Variants in UTY observed in about 807,000 individuals in gnomAD.
UTY encodes the protein ubiquitously transcribed tetratricopeptide repeat containing, Y-linked, also known as histone demethylase UTY.
UTY carries 12 observed loss-of-function variants against 32.5 expected under a neutral mutation model. The ratio of observed to expected loss-of-function variants is 0.37; its 90% confidence interval spans 0.24 to 0.60. The LOEUF (loss-of-function observed/expected upper bound fraction) is 0.60, where lower values mean the gene tolerates loss of function less well. Ranked by LOEUF, UTY falls within the 20% of genes least tolerant of loss-of-function variation. The pLI is 0.69. For missense variants in UTY, 303 were observed against 299.2 expected, an observed-to-expected ratio of 1.01 and a Z score of -0.09; for synonymous variants, 131 against 103.4, an observed-to-expected ratio of 1.27 and a Z score of -1.62.
At chrY:13,477,863 T>C (rs2079215672) in intron 2 of UTY, among the ~76,000 whole-genome samples, 1 of 34,162 alleles carries the variant, frequency 2.9e-5, no homozygotes, top group Non-Finnish European at 7.3e-5. Context: ...ATTGATACTA[T>C]AACATGTTTT....
At chrY:13,402,120 A>G in intron 6 of UTY, among the ~76,000 whole-genome samples, 1 of 33,578 alleles carries the variant, frequency 3.0e-5, no homozygotes, top group East Asian at 7.8e-4. Flanking sequence ...TTGAAAATAC[A>G]TATTTCAAAA....
Position 13,305,723 on chromosome Y carries a change from G to GA in UTY, c.3417-177dup, listed in dbSNP as rs2058643534. ...AGTCTTAAGACAAACACAGATTACT[G>GA]AAAAAAAAAATCATAAATTGTATAA... is the stretch of plus-strand genomic sequence containing the variant. On this transcript the variant is annotated intron_variant, in intron 23 of 29. Transcript: ENST00000545955. The GA allele has an allele frequency of 6.0e-5, 9 of 150,191 alleles. No homozygotes were observed. The Admixed American group carries it at 8.8e-4, about 15-fold the overall frequency. The allele number at this position is 150,191 out of a possible 400,897, so 37.5% of individuals were successfully genotyped here.
chrY:13,407,583 C>A, intron 6 of UTY, among the ~76,000 whole-genome samples: 1 of 32,149 alleles, frequency 3.1e-5, no homozygotes, highest in Non-Finnish European at 7.7e-5. Context: ...GTCACTATGT[C>A]CTAGATGTGG....
At chrY:13,258,086 G>A in intron 28 of UTY, among the ~76,000 whole-genome samples, 2 of 33,552 alleles carry the variant, frequency 6.0e-5, no homozygotes, top group Non-Finnish European at 1.5e-4. Context: ...AGTTACACAC[G>A]CTTTCTGATC....
chrY:13,352,385 T>C, intron 17 of UTY, among the ~76,000 whole-genome samples: 1 of 33,309 alleles, frequency 3.0e-5, no homozygotes, highest in Non-Finnish European at 7.4e-5. Context: ...CTCAGCTTAC[T>C]GCAGCCTTGT....
intron 4 of UTY, among the ~76,000 whole-genome samples, chrY:13,434,282 A>C: frequency 8.9e-5 from 3 of 33,759 alleles, no homozygotes; most frequent in African/African-American, 3.5e-4. Flanking sequence ...GCTCACTGCC[A>C]CCCCCACCTC....
intron 8 of UTY, among the ~76,000 whole-genome samples, chrY:13,374,392 A>T (rs1603444017): frequency 6.0e-5 from 2 of 33,266 alleles, no homozygotes; most frequent in Non-Finnish European, 1.5e-4. Flanking sequence ...TATCCTCAAT[A>T]CCCTAAATTC....
chrY:13,320,621 A>G, intron 21 of UTY, among the ~76,000 whole-genome samples: 1 of 33,898 alleles, frequency 3.0e-5, no homozygotes, highest in East Asian at 7.6e-4. Context: ...AGTCAAGAAA[A>G]CTTTCAAGTT....
intron 2 of UTY, among the ~76,000 whole-genome samples, chrY:13,473,845 A>AT (rs2078779471): frequency 2.9e-5 from 1 of 33,982 alleles, no homozygotes; most frequent in Non-Finnish European, 7.3e-5. Flanking sequence ...CTGGTATCTA[A>AT]TTTTTTAAGG....
intron 28 of UTY, among the ~76,000 whole-genome samples, chrY:13,259,037 T>A (rs375525897): frequency 2.9e-5 from 1 of 34,736 alleles, no homozygotes; most frequent in Non-Finnish European, 7.3e-5. Flanking sequence ...CTTAAAGGCA[T>A]TCTTAAGCCA....
At chrY:13,415,976 C>G in intron 4 of UTY, among the ~76,000 whole-genome samples, 1 of 33,046 alleles carries the variant, frequency 3.0e-5, no homozygotes, top group Admixed American at 2.7e-4. Context: ...CACTCTGTCA[C>G]CCAGGCTTGA....
At chrY:13,381,275 G>A in intron 8 of UTY, among the ~76,000 whole-genome samples, 1 of 34,409 alleles carries the variant, frequency 2.9e-5, no homozygotes, top group Non-Finnish European at 7.3e-5. Context: ...GGTGGCTTAC[G>A]CCTGTAATCC....
At chrY:13,417,368 T>C (rs2071816548) in intron 4 of UTY, among the ~76,000 whole-genome samples, 1 of 34,156 alleles carries the variant, frequency 2.9e-5, no homozygotes, top group Non-Finnish European at 7.3e-5. Flanking sequence ...CAACGCTATA[T>C]GCTCTTCTAT....
At chrY:13,419,476 G>A (rs2072255885) in intron 4 of UTY, among the ~76,000 whole-genome samples, 2 of 33,943 alleles carry the variant, frequency 5.9e-5, no homozygotes, top group African/African-American at 2.3e-4. Context: ...CTTAAGATGG[G>A]GTTATGTCCC....
At chrY:13,297,877 G>A (rs1348464335) in intron 26 of UTY, 29 bp from the exon 27 acceptor site, 1 of 329,113 alleles carries the variant, frequency 3.0e-6, no homozygotes, top group South Asian at 3.2e-5. Flanking sequence ...CAGTCATAAA[G>A]TAACCCAAAG....
chrY:13,400,566 G>A, intron 6 of UTY, among the ~76,000 whole-genome samples: 1 of 32,873 alleles, frequency 3.0e-5, no homozygotes, highest in Non-Finnish European at 7.5e-5. Flanking sequence ...GAATACTTAG[G>A]TTGACATTCA....
chrY:13,407,387 G>T, intron 6 of UTY, among the ~76,000 whole-genome samples: 1 of 31,844 alleles, frequency 3.1e-5, no homozygotes. Context: ...TAAACACATG[G>T]AAATTTGATT....
intron 4 of UTY, among the ~76,000 whole-genome samples, chrY:13,445,168 A>G (rs2075586528): frequency 7.8e-5 from 2 of 25,793 alleles, no homozygotes; most frequent in South Asian, 8.9e-4. Flanking sequence ...AAAAAAAAAA[A>G]AAAGAAAAAA....
At chrY:13,359,276 C>CA in intron 12 of UTY, 54 bp from the exon 13 acceptor site, 1 of 371,462 alleles carries the variant, frequency 2.7e-6, no homozygotes, top group Non-Finnish European at 3.8e-6. Flanking sequence ...TGAGTAAGAG[C>CA]AAGTCCACTA....
Sources: gnomAD v4.1 joint callset for allele counts (sites outside exome capture counted in the v4.1 genomes callset) on GRCh38, gnomAD v4.1.1 for gene constraint, MANE v1.5 for transcripts, NCBI Gene and HGNC (gene_info 2026-07-23, HGNC 2026-07-21) for gene names.